The following CLCA1 variants were observed in gnomAD, a reference collection of about 807,000 sequenced individuals.
CLCA1 encodes the protein calcium-activated chloride channel regulator 1.
Under a neutral mutation model 85.6 loss-of-function variants are expected in CLCA1, and 59 were observed. The ratio of observed to expected loss-of-function variants is 0.69; its 90% confidence interval spans 0.56 to 0.86. The LOEUF is 0.86. Among genes scored for constraint, CLCA1 ranks in the 40% least tolerant of loss-of-function variants. The probability of loss-of-function intolerance (pLI) is 0.00; values close to 1 mark genes in which losing one functional copy is unlikely to be tolerated. For missense variants in CLCA1, 1,022 were observed against 1,101.4 expected, an observed-to-expected ratio of 0.93 and a Z score of 1.02; for synonymous variants, 396 against 398.3, an observed-to-expected ratio of 0.99 and a Z score of 0.07.
chr1:86,483,962 C>T (rs1000515653), intron 5 of CLCA1, among the ~76,000 whole-genome samples: 1 of 152,110 alleles, frequency 6.6e-6, no homozygotes, highest in East Asian at 1.9e-4. Flanking sequence ...GAAGGAGAAG[C>T]AAGGCACACC....
Position 86,495,585 on chromosome 1 carries a change from G to T in CLCA1, c.2023G>T (p.Val675Leu). 1 of 1,614,144 alleles carries T rather than the reference G, an allele frequency of 6.2e-7. No homozygotes were observed. Among genetic ancestry groups the T allele is most frequent in the Admixed American group, 1.7e-5 (1 of 60,008 alleles). Residue 675 changes from valine to leucine, a missense_variant, in exon 12 of 14, where the codon GTG (valine) becomes TTG (leucine). By Grantham distance (32) the Val-to-Leu change is conservative. Transcript: ENST00000394711. ...CACGAATGGTAGATACAGTGTAAAA[G>T]TGCGGGCTCTGGGAGGAGTTAACGC... ...YDTNGRYSVK[V>L]RALGGVNAAR...
Position 86,475,634 on chromosome 1 carries a change from A to G in CLCA1, c.452-814A>G, listed in dbSNP as rs540524609. Among the ~76,000 whole-genome samples, 6 of 152,342 alleles carry G rather than the reference A, an allele frequency of 3.9e-5. No individual in the cohort carries two copies. In the East Asian group the frequency reaches 9.7e-4, roughly 25 times the overall value. On this transcript the variant is annotated intron_variant, in intron 3 of 13. Transcript: ENST00000394711. ...GATTTCAGGGCAGGCTTCTAGGCACATAGAAGCTTGATTTTCAAAGAAGAA... is the reference window on the plus strand; with the variant it reads ...GATTTCAGGGCAGGCTTCTAGGCACGTAGAAGCTTGATTTTCAAAGAAGAA...
At position 86,473,394 on chromosome 1, in the gene CLCA1, G is replaced by A. The variant is rs201967418; in HGVS notation, c.163-23G>A. On this transcript the variant is annotated intron_variant, in intron 1 of 13. Coordinates refer to ENST00000394711, the MANE Select transcript of CLCA1 (RefSeq NM_001285.4). The stretch of plus-strand genomic sequence containing the variant: ...TAATTTATTTTCAGTCAATTGTTAC[G>A]TATGTTTTCTTTTTCTTCCCAGGAC... 5.5e-5 allele frequency: 82 copies of A among 1,499,090 alleles called. No homozygotes were observed. In the African/African-American group the frequency reaches 8.6e-4, roughly 16 times the overall value. The allele number at this position is 1,499,090 out of a possible 1,614,324, so 92.9% of individuals were successfully genotyped here.
At position 86,482,238 on chromosome 1, in the gene CLCA1, AAAG is replaced by A; in HGVS notation, c.595_597del (p.Lys199del). ...CAGGTATTACTGGTACAAATGTAGTAAAGAAGTGTCAGGGAGGCAGCTGTTACA... is the reference window on the plus strand; with the variant it reads ...CAGGTATTACTGGTACAAATGTAGTAAAGTGTCAGGGAGGCAGCTGTTACA... On this transcript the variant is annotated inframe_deletion, in exon 5 of 14. Coordinates refer to ENST00000394711, the MANE Select transcript of CLCA1 (RefSeq NM_001285.4). 6.2e-7 allele frequency: 1 copy of A among 1,613,990 alleles called. No individual in the cohort carries two copies. Among genetic ancestry groups the A allele is most frequent in the Non-Finnish European group, 8.5e-7 (1 of 1,179,858 alleles).
At chr1:86,488,913 T>C in intron 7 of CLCA1, 83 bp from the exon 8 acceptor site, 1 of 1,209,224 alleles carries the variant, frequency 8.3e-7, no homozygotes, top group African/African-American at 1.5e-5. Flanking sequence ...AGAATTTCTT[T>C]TCTCCTTTCC....
intron 11 of CLCA1, 69 bp downstream of exon 11, chr1:86,494,517 G>A: frequency 6.4e-7 from 1 of 1,562,866 alleles, no homozygotes; most frequent in Non-Finnish European, 8.7e-7. Context: ...TGCCAAGAGG[G>A]CATGGTCTGG....
intron 4 of CLCA1, among the ~76,000 whole-genome samples, chr1:86,480,459 C>G (rs183943147): frequency 1.3e-5 from 2 of 151,878 alleles, no homozygotes; most frequent in Non-Finnish European, 2.9e-5. Context: ...CCCTTCTCTA[C>G]AAAAAATACA....
chr1:86,488,863 G>A, intron 7 of CLCA1, 133 bp from the exon 8 acceptor site: 1 of 664,196 alleles, frequency 1.5e-6, no homozygotes, highest in Non-Finnish European at 2.6e-6. Flanking sequence ...AAGACAGACA[G>A]ATATTTGGTC....
chr1:86,483,402 C>A (rs1647872976), intron 5 of CLCA1, among the ~76,000 whole-genome samples: 2 of 151,950 alleles, frequency 1.3e-5, no homozygotes, highest in African/African-American at 2.4e-5. Flanking sequence ...AAATGTTGTA[C>A]AACTAATGAT....
At chr1:86,480,538 AC>A (rs1374883905) in intron 4 of CLCA1, among the ~76,000 whole-genome samples, 1 of 152,118 alleles carries the variant, frequency 6.6e-6, no homozygotes, top group African/African-American at 2.4e-5. Flanking sequence ...TGGAAGGATC[AC>A]CTGAGCCTGG....
intron 12 of CLCA1, 151 bp downstream of exon 12, chr1:86,495,826 G>T (rs1313440936): frequency 1.4e-6 from 1 of 700,052 alleles, no homozygotes; most frequent in Non-Finnish European, 2.3e-6. Flanking sequence ...ATCCTTTGTT[G>T]TGGAGGGCTA....
Position 86,488,992 on chromosome 1 carries a change from T to C in CLCA1, c.1183-4T>C, listed in dbSNP as rs1648063986. ...ATAACTCGTGCCCTAAATTCTGTCCTTAGGTGATTAGGAAGAAATATCCAA... is the reference window on the plus strand; with the variant it reads ...ATAACTCGTGCCCTAAATTCTGTCCCTAGGTGATTAGGAAGAAATATCCAA... On this transcript the variant is annotated splice_polypyrimidine_tract_variant and splice_region_variant and intron_variant, in intron 7 of 13. Coordinates refer to ENST00000394711, the MANE Select transcript of CLCA1 (RefSeq NM_001285.4). 1 of 1,613,202 alleles carries C rather than the reference T, an allele frequency of 6.2e-7. No individual in the cohort carries two copies. Among genetic ancestry groups the C allele is most frequent in the Non-Finnish European group, 8.5e-7 (1 of 1,179,360 alleles).
chr1:86,485,944 A>T (rs925321034), intron 6 of CLCA1, among the ~76,000 whole-genome samples: 1 of 152,090 alleles, frequency 6.6e-6, no homozygotes, highest in African/African-American at 2.4e-5. Flanking sequence ...TCACAGTTCC[A>T]CACGGCTGGG....
intron 10 of CLCA1, 102 bp downstream of exon 10, chr1:86,493,701 G>A (rs1171766394): frequency 2.3e-6 from 2 of 874,800 alleles, no homozygotes; most frequent in Non-Finnish European, 3.5e-6. Context: ...GCTAAAAGGA[G>A]AGTCAGTATT....
In CLCA1 at chr1:86,473,787, A is replaced by T. The variant is rs754612624; in HGVS notation, c.362A>T (p.Gln121Leu). 1 of 1,612,922 alleles carries T rather than the reference A, an allele frequency of 6.2e-7. No individual in the cohort carries two copies. Among genetic ancestry groups the T allele is most frequent in the Non-Finnish European group, 8.5e-7 (1 of 1,179,160 alleles). The change falls in exon 3 of 14, where the codon CAG (glutamine) becomes CTG (leucine). Residue 121 changes from glutamine to leucine, a missense_variant. Transcript: ENST00000394711. ...GGTAATGATGAACCCTACACTGAGC[A>T]GATGGGCAACTGTGGAGAGAAGGGT... ...PPGNDEPYTE[Q>L]MGNCGEKGER...
At chr1:86,493,192 A>G (rs550984321) in intron 9 of CLCA1, among the ~76,000 whole-genome samples, 192 bp from the exon 10 acceptor site, 1 of 152,212 alleles carries the variant, frequency 6.6e-6, no homozygotes, top group South Asian at 2.1e-4. Context: ...TGGGTGGAGG[A>G]TGGAAAATTG....
intron 6 of CLCA1, 98 bp from the exon 7 acceptor site, chr1:86,486,428 C>G: frequency 2.8e-6 from 3 of 1,059,046 alleles, no homozygotes; most frequent in Non-Finnish European, 4.2e-6. Flanking sequence ...GTCATTTGCT[C>G]TACATTAAGG....
In CLCA1 at chr1:86,472,794, A is replaced by C. The variant is rs576167284; in HGVS notation, c.163-623A>C. Among the ~76,000 whole-genome samples, 16 of 152,350 alleles carry C rather than the reference A, an allele frequency of 1.1e-4. No individual in the cohort carries two copies. The South Asian group carries it at 1.4e-3, about 14-fold the overall frequency. ...TTAAAAAAAAGAAAAATGAATCAAT[A>C]AATAAATAATACCACAACATTTAGT... On this transcript the variant is annotated intron_variant, in intron 1 of 13. Transcript: ENST00000394711.
chr1:86,472,337 G>A (rs560113308), intron 1 of CLCA1, among the ~76,000 whole-genome samples: 1 of 152,032 alleles, frequency 6.6e-6, no homozygotes, highest in Admixed American at 6.6e-5. Flanking sequence ...CGATGATCAC[G>A]CCCTCCTCCC....
Sources: allele counts gnomAD v4.1 joint callset (sites outside exome capture counted in the v4.1 genomes callset), GRCh38; gene constraint gnomAD v4.1.1; transcripts MANE v1.5; gene names NCBI Gene and HGNC (gene_info 2026-07-23, HGNC 2026-07-21).